Variants in CEP89 observed in about 807,000 individuals in gnomAD.
CEP89 encodes the protein centrosomal protein of 89 kDa.
CEP89 carries 95 observed loss-of-function variants against 97.6 expected under a neutral mutation model. The ratio of observed to expected loss-of-function variants is 0.97; its 90% CI spans 0.82 to 1.15. CEP89 has a LOEUF of 1.15. Among genes scored for constraint, CEP89 ranks in the 50% most tolerant of loss-of-function variants. CEP89 has a pLI of 0.00. For missense variants in CEP89, 869 were observed against 947.7 expected, an observed-to-expected ratio of 0.92 and a Z score of 1.09; for synonymous variants, 354 against 349.1, an observed-to-expected ratio of 1.01 and a Z score of -0.16.
At chr19:32,890,439 G>A (rs946501255) in intron 16 of CEP89, among the ~76,000 whole-genome samples, 5 of 152,092 alleles carry the variant, frequency 3.3e-5, no homozygotes, top group Non-Finnish European at 7.4e-5. Context: ...CTGTTTTCAG[G>A]AGGAAGGCTC....
At chr19:32,940,008 TA>T in intron 5 of CEP89, 123 bp from the exon 6 acceptor site, 1 of 529,852 alleles carries the variant, frequency 1.9e-6, no homozygotes, top group Non-Finnish European at 3.5e-6. Flanking sequence ...AGAACAGGGA[TA>T]AAATTCACAG....
chr19:32,888,276 A>G (rs1267459394), intron 16 of CEP89, among the ~76,000 whole-genome samples: 1 of 152,242 alleles, frequency 6.6e-6, no homozygotes, highest in African/African-American at 2.4e-5. Flanking sequence ...CAAGCCATAC[A>G]TGAAAGGCAA....
chr19:32,927,926 T>TTTTTTTG (rs1970396542), intron 9 of CEP89, among the ~76,000 whole-genome samples: 1 of 147,486 alleles, frequency 6.8e-6, no homozygotes. Flanking sequence ...TTTCTTTTTT[T>TTTTTTTG]TTTTTTTTTG....
chr19:32,938,195 T>C (rs1970616952), intron 6 of CEP89, among the ~76,000 whole-genome samples: 1 of 152,158 alleles, frequency 6.6e-6, no homozygotes, highest in African/African-American at 2.4e-5. Context: ...AAGTCCTGCC[T>C]GAGCTTTCTT....
chr19:32,964,770 T>G (rs1971246270), intron 2 of CEP89, among the ~76,000 whole-genome samples: 2 of 152,024 alleles, frequency 1.3e-5, no homozygotes, highest in South Asian at 4.1e-4. Flanking sequence ...AACAGGAGCA[T>G]GAAAGGTGGC....
In CEP89 at chr19:32,899,928, G is replaced by T. The variant is rs757335974; in HGVS notation, c.1804C>A (p.His602Asn). 1.2e-6 allele frequency: 2 copies of T among 1,613,774 alleles called. No homozygotes were observed. The highest frequency in any genetic ancestry group is 2.7e-5 in the African/African-American group (2 of 74,896). The change falls in exon 16 of 19, where the codon CAT becomes AAT. Residue 602 changes from histidine to asparagine, a missense_variant. Physicochemically the swap from His to Asn is moderately conservative, Grantham distance 68. Transcript: ENST00000305768. The stretch of plus-strand genomic sequence containing the variant: ...CCAACAAGGTTTGCCAGGTACTGAT[G>T]AGCAGACATTTCGTTCCCCATGGCT... The part of the protein sequence containing the change: ...EKAMGNEMSA[H>N]QYLANLVGLA...
At chr19:32,921,308 C>T (rs1291075218) in intron 12 of CEP89, among the ~76,000 whole-genome samples, 2 of 152,168 alleles carry the variant, frequency 1.3e-5, no homozygotes, top group Non-Finnish European at 2.9e-5. Context: ...GTTTAGCAGC[C>T]GTGCAGGTGT....
chr19:32,953,708 C>T lies in CEP89; in HGVS notation c.399G>A (p.Leu133=), dbSNP rs759274801. The change falls in exon 4 of 19, where the codon CTG becomes CTA. Residue 133 remains leucine (L), a synonymous_variant. Coordinates refer to ENST00000305768, the MANE Select transcript of CEP89 (RefSeq NM_032816.5). ...YGDEEDIETQ[L]SSSGKELGDV... ...CCCCCAATTCCTTGCCGCTGGATGA[C>T]AGCTGAGTTTCAATGTCCTCTTCGT... 1.2e-6 allele frequency: 2 copies of T among 1,614,080 alleles called. No individual in the cohort carries two copies. Among genetic ancestry groups the T allele is most frequent in the Admixed American group, 3.3e-5 (2 of 60,016 alleles).
At chr19:32,903,466 G>A (rs964088803) in intron 14 of CEP89, among the ~76,000 whole-genome samples, 2 of 152,138 alleles carry the variant, frequency 1.3e-5, no homozygotes, top group Admixed American at 1.3e-4. Context: ...AGAAAAACAT[G>A]CTCCTACATT....
At chr19:32,929,349 C>T (rs1186611658) in intron 9 of CEP89, among the ~76,000 whole-genome samples, 1 of 152,062 alleles carries the variant, frequency 6.6e-6, no homozygotes, top group Non-Finnish European at 1.5e-5. Context: ...TGCCTGTAAT[C>T]CCAGCACTTT....
intron 5 of CEP89, among the ~76,000 whole-genome samples, chr19:32,946,443 T>A (rs139860642): frequency 3.8e-4 from 58 of 152,146 alleles, no homozygotes; most frequent in African/African-American, 1.3e-3. Context: ...ACATTTGGCA[T>A]GTGTTGTGAG....
At chr19:32,910,216 GTGCCAC>G (rs1348895864) in intron 14 of CEP89, among the ~76,000 whole-genome samples, 1 of 151,232 alleles carries the variant, frequency 6.6e-6, no homozygotes, top group Non-Finnish European at 1.5e-5. Flanking sequence ...AGCTGAGATC[GTGCCAC>G]TGCACTATTC....
At chr19:32,937,470 G>T (rs891986318) in intron 7 of CEP89, 161 bp downstream of exon 7, 2 of 635,884 alleles carry the variant, frequency 3.1e-6, no homozygotes, top group African/African-American at 3.7e-5. Context: ...ATGGACATAC[G>T]TCCACTACCT....
At chr19:32,915,731 C>T (rs953876496) in intron 13 of CEP89, among the ~76,000 whole-genome samples, 36 of 150,378 alleles carry the variant, frequency 2.4e-4, no homozygotes, top group African/African-American at 8.8e-4. Context: ...CCAGCCTGGC[C>T]AAGTTGGTGA....
Position 32,881,967 on chromosome 19 carries a change from C to T in CEP89, c.2012G>A (p.Arg671His), listed in dbSNP as rs181626301. 230 of 1,589,438 alleles carry T rather than the reference C, an allele frequency of 1.4e-4. No homozygotes were observed. The highest frequency in any genetic ancestry group is 2.6e-4 in the South Asian group (23 of 87,628). ...AALKLGDISH[R>H]LLEQQEDFAG... ...GAAGTCCTCCTGCTGCTCCAGCAGA[C>T]GGTGACTGATGTCCCCCAGCTTCAG... Residue 671 changes from arginine (R) to histidine (H), a missense_variant, in exon 18 of 19, where the codon CGT becomes CAT. Coordinates refer to ENST00000305768, the MANE Select transcript of CEP89 (RefSeq NM_032816.5).
chr19:32,904,944 A>T (rs925020774), intron 14 of CEP89, among the ~76,000 whole-genome samples: 1 of 152,202 alleles, frequency 6.6e-6, no homozygotes, highest in African/African-American at 2.4e-5. Context: ...ATTAATTTTT[A>T]TAAATTTTCT....
chr19:32,953,821 G>C lies in CEP89; in HGVS notation c.306-20C>G. On this transcript the variant is annotated intron_variant, in intron 3 of 18. Coordinates refer to ENST00000305768, the MANE Select transcript of CEP89 (RefSeq NM_032816.5). ...TTTGGCCTGTATTAGAATATTCATGGGGAAAACAAACAAAAAGTCACTTAA... is the reference window on the plus strand; with the variant it reads ...TTTGGCCTGTATTAGAATATTCATGCGGAAAACAAACAAAAAGTCACTTAA... 6.4e-7 allele frequency: 1 copy of C among 1,574,686 alleles called. No individual in the cohort carries two copies.
chr19:32,970,338 G>GA (rs1484937455), intron 1 of CEP89: 5 of 152,148 alleles, frequency 3.3e-5, no homozygotes, highest in Non-Finnish European at 5.9e-5. Context: ...ACACAGCAGG[G>GA]ACTCATTAAT....
intron 4 of CEP89, among the ~76,000 whole-genome samples, chr19:32,952,870 C>CTCCA (rs1301793343): frequency 3.2e-4 from 40 of 126,398 alleles, no homozygotes; most frequent in Non-Finnish European, 1.4e-4. Flanking sequence ...TGCCACTGCA[C>CTCCA]TCCAGCCTGG....
Sources: allele counts gnomAD v4.1 joint callset (sites outside exome capture counted in the v4.1 genomes callset), GRCh38; gene constraint gnomAD v4.1.1; transcripts MANE v1.5; gene names NCBI Gene and HGNC (gene_info 2026-07-23, HGNC 2026-07-21).